Variants in ERBB4 observed in about 807,000 individuals in gnomAD.
ERBB4 encodes the protein erb-b2 receptor tyrosine kinase 4.
A neutral mutation model predicts 158.0 loss-of-function variants in ERBB4; 42 were observed. That is an observed-to-expected ratio of 0.27 (90% CI 0.21 to 0.34). The LOEUF is 0.34. Ranked by LOEUF, ERBB4 falls within the 10% of genes least tolerant of loss-of-function variation. The pLI is 1.00. For missense variants in ERBB4, 1,333 were observed against 1,624.1 expected (o/e 0.82, Z 3.08); for synonymous variants, 583 against 558.7 (o/e 1.04, Z -0.61).
chr2:211,424,516 T>C (rs1574464850), intron 22 of ERBB4, among the ~76,000 whole-genome samples: 4 of 152,200 alleles, frequency 2.6e-5, no homozygotes, highest in South Asian at 2.1e-4. Context: ...TGTCTTGGAA[T>C]TTCTAATGGA....
intron 2 of ERBB4, among the ~76,000 whole-genome samples, chr2:212,027,096 T>C (rs181850741): frequency 2.0e-5 from 3 of 152,138 alleles, no homozygotes; most frequent in Admixed American, 6.6e-5. Flanking sequence ...ACAGGTATTA[T>C]GTCCAGTTAC....
intron 19 of ERBB4, among the ~76,000 whole-genome samples, chr2:211,580,378 A>G (rs1016938171): frequency 1.3e-5 from 2 of 152,202 alleles, no homozygotes; most frequent in African/African-American, 4.8e-5. Flanking sequence ...ACAAAAGGCC[A>G]ACAAACATAT....
At chr2:212,152,081 G>A (rs1400987003) in intron 1 of ERBB4, among the ~76,000 whole-genome samples, 1 of 151,938 alleles carries the variant, frequency 6.6e-6, no homozygotes, top group African/African-American at 2.4e-5. Context: ...TTATAGATAA[G>A]CATATTTAAT....
At chr2:211,768,237 C>A (rs1052329227) in intron 4 of ERBB4, among the ~76,000 whole-genome samples, 1 of 152,156 alleles carries the variant, frequency 6.6e-6, no homozygotes, top group African/African-American at 2.4e-5. Context: ...AGGCCTTGGG[C>A]AGCTCTGCCC....
In ERBB4 at chr2:211,861,002, ATATATT is replaced by A. The variant is rs1369584123; in HGVS notation, c.422-72849_422-72844del. On this transcript the variant is annotated intron_variant, in intron 3 of 27. Coordinates refer to ENST00000342788, the MANE Select transcript of ERBB4 (RefSeq NM_005235.3). ...AATATATTATATAATATAATATATTATATATTTATATATTTATATATATATAAATAT... is the reference window on the plus strand; with the variant it reads ...AATATATTATATAATATAATATATTATATATATTTATATATATATAAATAT... Among the ~76,000 whole-genome samples the A allele has an allele frequency of 3.0e-4, 8 of 26,462 alleles. 1 individual carries two copies. The East Asian group carries it at 3.5e-3, about 12-fold the overall frequency. 17.4% of individuals were successfully genotyped at this position (26,462 alleles called of 152,430 possible).
intron 1 of ERBB4, among the ~76,000 whole-genome samples, chr2:212,271,510 C>G (rs1434503917): frequency 6.6e-6 from 1 of 151,708 alleles, no homozygotes; most frequent in East Asian, 1.9e-4. Flanking sequence ...TTATCAGTAT[C>G]TTTAATAATT....
At chr2:211,657,999 A>G in intron 15 of ERBB4, 171 bp from the exon 16 acceptor site, 1 of 1,594,766 alleles carries the variant, frequency 6.3e-7, no homozygotes, top group Non-Finnish European at 8.5e-7. Flanking sequence ...ATGCACCTGC[A>G]GAAAATGCAA....
chr2:212,140,691 C>G (rs991398059), intron 1 of ERBB4, among the ~76,000 whole-genome samples: 1 of 150,190 alleles, frequency 6.7e-6, no homozygotes, highest in Admixed American at 6.7e-5. Flanking sequence ...TTGATGTAAA[C>G]AGTTAAGAAA....
intron 3 of ERBB4, among the ~76,000 whole-genome samples, chr2:211,859,361 T>A (rs2077955118): frequency 6.6e-6 from 1 of 152,162 alleles, no homozygotes; most frequent in African/African-American, 2.4e-5. Context: ...CATCCCTATC[T>A]GGTTCACATA....
intron 1 of ERBB4, among the ~76,000 whole-genome samples, chr2:212,227,089 T>C (rs976214493): frequency 6.6e-6 from 1 of 151,812 alleles, no homozygotes; most frequent in African/African-American, 2.4e-5. Context: ...CTACTAAAAA[T>C]ACAAAAATTA....
intron 20 of ERBB4, among the ~76,000 whole-genome samples, chr2:211,478,354 C>A (rs1484146140): frequency 6.6e-6 from 1 of 152,102 alleles, no homozygotes. Context: ...AGTTTAATGT[C>A]TCTATATTCA....
intron 2 of ERBB4, among the ~76,000 whole-genome samples, chr2:212,015,840 C>T (rs562819816): frequency 1.4e-4 from 21 of 152,186 alleles, no homozygotes; most frequent in African/African-American, 4.6e-4. Flanking sequence ...GCCCTTTGAC[C>T]TTGAACAGTT....
At chr2:212,167,232 A>G (rs1363099082) in intron 1 of ERBB4, among the ~76,000 whole-genome samples, 1 of 152,208 alleles carries the variant, frequency 6.6e-6, no homozygotes, top group African/African-American at 2.4e-5. Context: ...CAAGGAACTT[A>G]AACAAATTTA....
intron 1 of ERBB4, among the ~76,000 whole-genome samples, chr2:212,375,293 T>G (rs1213601907): frequency 6.6e-6 from 1 of 152,118 alleles, no homozygotes; most frequent in Non-Finnish European, 1.5e-5. Flanking sequence ...ATAAATACTA[T>G]TAGGCTGTTT....
chr2:211,617,930 T>C (rs529348695), intron 19 of ERBB4, among the ~76,000 whole-genome samples: 47 of 152,188 alleles, frequency 3.1e-4, no homozygotes, highest in African/African-American at 1.1e-3. Context: ...CCTGGCAAGA[T>C]GTCTTGTATT....
chr2:212,041,860 C>G (rs1207008275), intron 2 of ERBB4, among the ~76,000 whole-genome samples: 3 of 152,072 alleles, frequency 2.0e-5, no homozygotes, highest in African/African-American at 7.2e-5. Flanking sequence ...AACAGCTCCA[C>G]TCTTACTTAT....
At chr2:211,782,919 G>A (rs1191300218) in intron 4 of ERBB4, among the ~76,000 whole-genome samples, 1 of 152,152 alleles carries the variant, frequency 6.6e-6, no homozygotes, top group African/African-American at 2.4e-5. Context: ...GAAAGTCATT[G>A]GTAGCTTGAT....
intron 5 of ERBB4, among the ~76,000 whole-genome samples, chr2:211,739,146 C>A (rs1325129122): frequency 1.3e-5 from 2 of 151,990 alleles, no homozygotes; most frequent in Non-Finnish European, 2.9e-5. Context: ...GCTCTTTAGA[C>A]TTTTAATGTA....
intron 22 of ERBB4, among the ~76,000 whole-genome samples, chr2:211,427,728 T>G (rs1175316583): frequency 2.0e-5 from 3 of 151,982 alleles, no homozygotes; most frequent in Non-Finnish European, 4.4e-5. Flanking sequence ...AAAAAGTTGG[T>G]TTTGTTTTTG....
Sources: gnomAD v4.1 joint callset for allele counts (sites outside exome capture counted in the v4.1 genomes callset) on GRCh38, gnomAD v4.1.1 for gene constraint, MANE v1.5 for transcripts, NCBI Gene and HGNC (gene_info 2026-07-23, HGNC 2026-07-21) for gene names.